The following NRXN3 variants were observed in gnomAD, a reference collection of about 807,000 sequenced individuals.
The protein encoded by NRXN3 is neurexin 3.
In NRXN3, 32 loss-of-function variants were observed where a neutral mutation model predicts 137.6. The observed-to-expected ratio is 0.23, with a 90% CI of 0.18 to 0.31. The LOEUF (loss-of-function observed/expected upper bound fraction) is 0.31. Ranked by LOEUF, NRXN3 falls within the 10% of genes least tolerant of loss-of-function variation. NRXN3 has a pLI of 1.00. For missense variants in NRXN3, 1,574 were observed against 2,062.5 expected (o/e 0.76, Z 4.59); for synonymous variants, 798 against 784.5 (o/e 1.02, Z -0.29).
chr14:78,243,646 G>C lies in NRXN3; in HGVS notation c.553G>C (p.Glu185Gln), dbSNP rs1442113311. The change falls in exon 2 of 21, where the codon GAG (glutamate) becomes CAG (glutamine). Residue 185 changes from glutamate (E) to glutamine (Q), a missense_variant. Glu to Gln is a conservative substitution (Grantham distance 29). This residue lies in a region of NRXN3 where 400 missense variants were observed against 527.3 expected (regional missense o/e 0.76). Coordinates refer to ENST00000335750, the MANE Select transcript of NRXN3 (RefSeq NM_001330195.2). This position sits in a 1 kb window ranked among gnomAD's most constrained non-coding sequence, Gnocchi z 4.2. The part of the protein sequence containing the change: ...LILDLKYGNS[E>Q]PRLLGSRGVQ... The stretch of plus-strand genomic sequence containing the variant: ...TCTGGATCTCAAGTATGGAAACTCG[G>C]AGCCTCGGCTTCTGGGGAGCCGGGG... 2.5e-6 allele frequency: 4 copies of C among 1,598,314 alleles called. No homozygotes were observed. The Admixed American group carries it at 5.0e-5, about 20-fold the overall frequency.
intron 16 of NRXN3, among the ~76,000 whole-genome samples, chr14:79,533,178 C>G (rs1018208385): frequency 4.6e-5 from 7 of 151,836 alleles, no homozygotes; most frequent in African/African-American, 1.7e-4. Context: ...TGTTTTTATA[C>G]CCATTTTACA....
At chr14:78,422,907 G>A (rs1016251182) in intron 4 of NRXN3, among the ~76,000 whole-genome samples, 2 of 152,194 alleles carry the variant, frequency 1.3e-5, no homozygotes, top group East Asian at 1.9e-4. Context: ...CAAGAGAGAC[G>A]TGGATAGGAA....
At chr14:79,244,195 A>T (rs2074802711) in intron 15 of NRXN3, among the ~76,000 whole-genome samples, 1 of 152,150 alleles carries the variant, frequency 6.6e-6, no homozygotes, top group African/African-American at 2.4e-5. Context: ...CCAGTCCTCT[A>T]TATTGTTCTC....
chr14:79,653,925 C>T (rs112066574), intron 16 of NRXN3, among the ~76,000 whole-genome samples: 3 of 152,194 alleles, frequency 2.0e-5, no homozygotes, highest in African/African-American at 4.8e-5. Flanking sequence ...CACCTGTGCA[C>T]GTACTGCACC....
At chr14:78,958,642 A>G (rs1185833006) in intron 11 of NRXN3, among the ~76,000 whole-genome samples, 1 of 152,220 alleles carries the variant, frequency 6.6e-6, no homozygotes, top group Non-Finnish European at 1.5e-5. Flanking sequence ...GGCGTGAGCC[A>G]TCGCGCCAGG....
At chr14:79,335,069 C>T (rs2092140449) in intron 15 of NRXN3, among the ~76,000 whole-genome samples, 1 of 152,076 alleles carries the variant, frequency 6.6e-6, no homozygotes, top group African/African-American at 2.4e-5. Context: ...CCTTTCCTGT[C>T]CTTCACTAGG....
chr14:78,759,497 G>T (rs1443186164), intron 8 of NRXN3, among the ~76,000 whole-genome samples: 1 of 152,018 alleles, frequency 6.6e-6, no homozygotes, highest in African/African-American at 2.4e-5. Context: ...TAAATATATC[G>T]CTGAGTTCTG....
At chr14:79,182,414 G>A (rs972399951) in intron 15 of NRXN3, among the ~76,000 whole-genome samples, 5 of 151,766 alleles carry the variant, frequency 3.3e-5, no homozygotes, top group African/African-American at 1.2e-4. Context: ...CCCATATGGT[G>A]GTGATGACAG....
At chr14:78,363,517 A>G (rs1405440516) in intron 4 of NRXN3, among the ~76,000 whole-genome samples, 1 of 152,206 alleles carries the variant, frequency 6.6e-6, no homozygotes, top group Non-Finnish European at 1.5e-5. Context: ...TAGTTATGAT[A>G]AGACTGAGGC....
chr14:79,378,876 TA>T (rs66538778), intron 15 of NRXN3, among the ~76,000 whole-genome samples: 47,035 of 143,432 alleles, frequency 0.33, 7,909 homozygotes, highest in Middle Eastern at 0.52. Flanking sequence ...TGAACAGATT[TA>T]AAAAAAAAAA....
intron 10 of NRXN3, among the ~76,000 whole-genome samples, chr14:78,924,881 G>C (rs200765262): frequency 6.6e-6 from 1 of 152,156 alleles, no homozygotes; most frequent in Non-Finnish European, 1.5e-5. Context: ...GGGGGGAATT[G>C]AGTCACACAG....
chr14:79,297,931 C>T (rs367990943), intron 15 of NRXN3, among the ~76,000 whole-genome samples: 3 of 152,060 alleles, frequency 2.0e-5, no homozygotes, highest in African/African-American at 7.2e-5. Flanking sequence ...CCATTATGCC[C>T]CTTGGTAGGA....
intron 20 of NRXN3, among the ~76,000 whole-genome samples, chr14:79,829,115 G>T (rs1161220049): frequency 6.6e-6 from 1 of 152,142 alleles, no homozygotes; most frequent in African/African-American, 2.4e-5. Flanking sequence ...GATTCATCAT[G>T]TTAAAAGGAA....
intron 15 of NRXN3, among the ~76,000 whole-genome samples, chr14:79,387,304 A>G (rs201344235): frequency 0.06 from 9,083 of 152,176 alleles, 538 homozygotes; most frequent in East Asian, 0.2. Flanking sequence ...ATATGAACAG[A>G]CACTTCTCAA....
intron 1 of NRXN3, among the ~76,000 whole-genome samples, chr14:78,218,403 T>G (rs139232730): frequency 3.0e-4 from 45 of 152,254 alleles, no homozygotes; most frequent in African/African-American, 9.1e-4. Flanking sequence ...AAAAAATTAA[T>G]CTTATGTCCT....
At chr14:79,279,286 C>T (rs1167723840) in intron 15 of NRXN3, 1 of 940,826 alleles carries the variant, frequency 1.1e-6, no homozygotes, top group African/African-American at 1.8e-5. Context: ...CAGCCAGTCC[C>T]TCGGCAGAGC....
chr14:78,938,058 C>T (rs752492609), intron 10 of NRXN3, among the ~76,000 whole-genome samples: 3 of 152,214 alleles, frequency 2.0e-5, no homozygotes, highest in South Asian at 2.1e-4. Flanking sequence ...AGTTGCTAAT[C>T]GTTCATTTAT....
At chr14:79,200,607 A>G (rs2065841814) in intron 15 of NRXN3, among the ~76,000 whole-genome samples, 1 of 152,170 alleles carries the variant, frequency 6.6e-6, no homozygotes, top group Non-Finnish European at 1.5e-5. Flanking sequence ...CATCTCTGGG[A>G]AGGAATGAGT....
intron 10 of NRXN3, among the ~76,000 whole-genome samples, chr14:78,895,919 GT>G (rs2152722966): frequency 6.6e-6 from 1 of 151,934 alleles, no homozygotes; most frequent in East Asian, 1.9e-4. Context: ...CATGATTTGT[GT>G]TGCCTTCAAA....
Sources: gnomAD v4.1 joint callset for allele counts (sites outside exome capture counted in the v4.1 genomes callset) on GRCh38, gnomAD v4.1.1 for gene constraint, gnomAD v4.1.1 regional missense constraint, Gnocchi (gnomAD v3.1) non-coding constraint, MANE v1.5 for transcripts, NCBI Gene and HGNC (gene_info 2026-07-23, HGNC 2026-07-21) for gene names.